Variants in CBLB observed in about 807,000 individuals in gnomAD.
CBLB encodes the protein Cbl proto-oncogene B.
In CBLB, 31 loss-of-function variants were observed where a neutral mutation model predicts 104.9. The observed-to-expected ratio is 0.30, with a 90% CI of 0.22 to 0.40. The LOEUF (loss-of-function observed/expected upper bound fraction) is 0.40. Ranked by LOEUF, CBLB falls within the 10% of genes least tolerant of loss-of-function variation. CBLB has a pLI of 1.00. For missense variants in CBLB, 1,062 were observed against 1,214.6 expected (o/e 0.87, Z 1.87); for synonymous variants, 440 against 422.6 (o/e 1.04, Z -0.51).
intron 3 of CBLB, 80 bp downstream of exon 3, chr3:105,853,334 T>C (rs1161008003): frequency 7.8e-6 from 11 of 1,418,298 alleles, no homozygotes; most frequent in African/African-American, 1.4e-5. Flanking sequence ...AACAATTACA[T>C]GGTGACGTTT....
chr3:105,772,486 C>G (rs1309023738), intron 4 of CBLB, among the ~76,000 whole-genome samples: 1 of 152,052 alleles, frequency 6.6e-6, no homozygotes, highest in Non-Finnish European at 1.5e-5. Flanking sequence ...GCTAAGACCT[C>G]AAAAGCAAAT....
Position 105,776,517 on chromosome 3 carries a change from T to C in CBLB, c.445A>G (p.Ile149Val). Residue 149 changes from isoleucine to valine, a missense_variant, in exon 4 of 19, where the codon ATC becomes GTC. By Grantham distance (29) the Ile-to-Val change is conservative. Transcript: ENST00000394030. ...DRRNLTKLSLIFSHMLAEIKA... is the reference protein window; with the variant it reads ...DRRNLTKLSLVFSHMLAEIKA... ...ATTTCTGCCAGCATGTGACTGAAGA[T>C]AAGGGACAGTTTTGTGAGATTTCGT... 1 of 1,613,824 alleles carries C rather than the reference T, an allele frequency of 6.2e-7. No homozygotes were observed. Among genetic ancestry groups the C allele is most frequent in the Non-Finnish European group, 8.5e-7 (1 of 1,179,882 alleles).
intron 3 of CBLB, among the ~76,000 whole-genome samples, chr3:105,816,591 A>G (rs1291140232): frequency 6.6e-6 from 1 of 152,228 alleles, no homozygotes; most frequent in Non-Finnish European, 1.5e-5. Context: ...AAAAAAGAGA[A>G]GCAAAATGCA....
At chr3:105,701,965 G>C in intron 12 of CBLB, 129 bp downstream of exon 12, 1 of 923,782 alleles carries the variant, frequency 1.1e-6, no homozygotes, top group Non-Finnish European at 1.7e-6. Context: ...TTATAACTTG[G>C]GGATAATTAA....
At chr3:105,851,325 G>T (rs979488479) in intron 3 of CBLB, among the ~76,000 whole-genome samples, 1 of 152,134 alleles carries the variant, frequency 6.6e-6, no homozygotes, top group African/African-American at 2.4e-5. Flanking sequence ...ACACTGTGGA[G>T]AAGGCAAAAC....
At chr3:105,733,918 C>G (rs1396536132) in intron 9 of CBLB, 91 bp downstream of exon 9, 3 of 1,191,212 alleles carry the variant, frequency 2.5e-6, no homozygotes, top group Admixed American at 3.5e-5. Flanking sequence ...AAAGCACTTA[C>G]CAGCATTACT....
At chr3:105,780,808 G>A (rs528950779) in intron 3 of CBLB, among the ~76,000 whole-genome samples, 126 of 151,562 alleles carry the variant, frequency 8.3e-4, no homozygotes, top group African/African-American at 2.9e-3. Flanking sequence ...GACTACAGGC[G>A]CCCGCCACCA....
At chr3:105,706,187 CTA>C (rs2070106711) in intron 10 of CBLB, among the ~76,000 whole-genome samples, 1 of 151,958 alleles carries the variant, frequency 6.6e-6, no homozygotes, top group African/African-American at 2.4e-5. Context: ...AAACAGAAGA[CTA>C]TACCTCCGAT....
At chr3:105,748,465 G>A (rs1396697237) in intron 5 of CBLB, among the ~76,000 whole-genome samples, 1 of 152,070 alleles carries the variant, frequency 6.6e-6, no homozygotes, top group Admixed American at 6.6e-5. Context: ...ACCCCCAAAT[G>A]TAGTGCCCCA....
In CBLB at chr3:105,678,487, G is replaced by A. The variant is rs2065913247; in HGVS notation, c.2513C>T (p.Pro838Leu). ...ARHSLIEHSK[P>L]PGSSSRPSSG... The stretch of plus-strand genomic sequence containing the variant: ...GGATGGCCGGCTACTGGAGCCAGGA[G>A]GTTTTGAATGTTCAATGAGACTATG... The change falls in exon 17 of 19, where the codon CCT becomes CTT. Residue 838 changes from proline to leucine, a missense_variant. By Grantham distance (98) the Pro-to-Leu change is moderately conservative (BLOSUM62 -3). Coordinates refer to ENST00000394030, the MANE Select transcript of CBLB (RefSeq NM_170662.5). The A allele has an allele frequency of 1.2e-6, 2 of 1,613,928 alleles. No individual in the cohort carries two copies. Among genetic ancestry groups the A allele is most frequent in the Non-Finnish European group, 1.7e-6 (2 of 1,179,934 alleles).
intron 3 of CBLB, among the ~76,000 whole-genome samples, chr3:105,807,355 G>A (rs967484794): frequency 1.3e-5 from 2 of 152,164 alleles, no homozygotes; most frequent in African/African-American, 2.4e-5. Flanking sequence ...CCAGGCGTTC[G>A]TGAACAGGTT....
intron 3 of CBLB, among the ~76,000 whole-genome samples, chr3:105,805,558 G>A (rs2083393771): frequency 6.6e-6 from 1 of 152,032 alleles, no homozygotes; most frequent in Non-Finnish European, 1.5e-5. Context: ...TGCCTGCCTT[G>A]GCCTCGCAAA....
At chr3:105,831,400 G>A (rs1577620294) in intron 3 of CBLB, among the ~76,000 whole-genome samples, 1 of 152,238 alleles carries the variant, frequency 6.6e-6, no homozygotes, top group African/African-American at 2.4e-5. Context: ...AGACCGCCAG[G>A]CGGGCTCAAA....
chr3:105,854,372 C>A (rs1423559320), intron 2 of CBLB, among the ~76,000 whole-genome samples: 1 of 152,210 alleles, frequency 6.6e-6, no homozygotes, highest in East Asian at 1.9e-4. Flanking sequence ...GTATTCACTT[C>A]TACATGTTCA....
At chr3:105,772,320 T>C (rs779628765) in intron 4 of CBLB, among the ~76,000 whole-genome samples, 2 of 152,118 alleles carry the variant, frequency 1.3e-5, no homozygotes, top group Non-Finnish European at 2.9e-5. Context: ...GCAGGCCACA[T>C]GTAGAAGAAT....
At chr3:105,854,408 T>A (rs967369424) in intron 2 of CBLB, among the ~76,000 whole-genome samples, 3 of 152,170 alleles carry the variant, frequency 2.0e-5, no homozygotes, top group Non-Finnish European at 4.4e-5. Flanking sequence ...AGTAAGTTAG[T>A]CCACCACATT....
intron 4 of CBLB, among the ~76,000 whole-genome samples, chr3:105,775,595 G>A (rs775386745): frequency 9.9e-5 from 15 of 152,092 alleles, no homozygotes; most frequent in African/African-American, 2.4e-4. Context: ...CTGAGGACGC[G>A]CTCTCATTAA....
chr3:105,816,611 G>A (rs2085093837), intron 3 of CBLB, among the ~76,000 whole-genome samples: 1 of 152,102 alleles, frequency 6.6e-6, no homozygotes, highest in African/African-American at 2.4e-5. Context: ...AGTATTTTTA[G>A]AACTACAGGA....
At chr3:105,720,445 T>A (rs556458583) in intron 9 of CBLB, among the ~76,000 whole-genome samples, 195 bp from the exon 10 acceptor site, 15 of 152,130 alleles carry the variant, frequency 9.9e-5, no homozygotes, top group African/African-American at 3.6e-4. Context: ...ATGGTCAGTA[T>A]CTTCAGTTTC....
Sources: allele counts gnomAD v4.1 joint callset (sites outside exome capture counted in the v4.1 genomes callset), GRCh38; gene constraint gnomAD v4.1.1; transcripts MANE v1.5; gene names NCBI Gene and HGNC (gene_info 2026-07-23, HGNC 2026-07-21).